The following YBX3 variants were observed in gnomAD, a reference collection of about 807,000 sequenced individuals.
The protein encoded by YBX3 is Y-box binding protein 3, also known as Y-box-binding protein 3.
In YBX3, 29 loss-of-function variants were observed where a neutral mutation model predicts 42.4. The observed-to-expected ratio is 0.68, with a 90% CI of 0.51 to 0.93. The LOEUF (loss-of-function observed/expected upper bound fraction) is 0.93. Ranked by LOEUF, YBX3 falls within the 40% of genes least tolerant of loss-of-function variation. The probability of loss-of-function intolerance (pLI) is 0.00; values close to 1 mark genes in which losing one functional copy is unlikely to be tolerated. For missense variants in YBX3, 517 were observed against 527.5 expected (o/e 0.98, Z 0.19); for synonymous variants, 195 against 189.8 (o/e 1.03, Z -0.22).
At chr12:10,709,870 T>C (rs763659772) in intron 6 of YBX3, 38 bp downstream of exon 6, 2 of 1,609,330 alleles carry the variant, frequency 1.2e-6, no homozygotes, top group South Asian at 2.2e-5. Flanking sequence ...GACGGAAGGG[T>C]GAGGATTGCT....
At chr12:10,705,626 C>T (rs900168693) in intron 6 of YBX3, among the ~76,000 whole-genome samples, 20 of 152,256 alleles carry the variant, frequency 1.3e-4, no homozygotes, top group African/African-American at 4.8e-4. Context: ...GTATCTGCCA[C>T]CAGAGTCCTC....
intron 6 of YBX3, among the ~76,000 whole-genome samples, chr12:10,705,472 C>T (rs1225043090): frequency 6.6e-6 from 1 of 152,198 alleles, no homozygotes; most frequent in East Asian, 1.9e-4. Flanking sequence ...TTGGTGTTCA[C>T]TAATGATTAG....
chr12:10,701,485 T>TA (rs1948078320), intron 8 of YBX3, 132 bp from the exon 9 acceptor site: 1 of 658,624 alleles, frequency 1.5e-6, no homozygotes, highest in Admixed American at 2.3e-5. Flanking sequence ...TACTCTTAAG[T>TA]ATGAGTCACA....
At chr12:10,711,331 T>G (rs1026158475) in intron 5 of YBX3, 1 of 151,872 alleles carries the variant, frequency 6.6e-6, no homozygotes, top group African/African-American at 2.4e-5. Context: ...GACCCATTAC[T>G]TTTTTTTACA....
chr12:10,703,367 G>A (rs934173750), intron 7 of YBX3: 2 of 159,876 alleles, frequency 1.3e-5, no homozygotes, highest in Non-Finnish European at 2.8e-5. Flanking sequence ...CTTATGGAAG[G>A]AGTCTAGCCT....
intron 4 of YBX3, among the ~76,000 whole-genome samples, chr12:10,713,582 A>C (rs1948225559): frequency 6.6e-6 from 1 of 152,224 alleles, no homozygotes; most frequent in African/African-American, 2.4e-5. Flanking sequence ...TCGCAAAAGC[A>C]ATGTGTAACC....
chr12:10,708,592 A>T (rs1223684723), intron 6 of YBX3, among the ~76,000 whole-genome samples: 1 of 152,222 alleles, frequency 6.6e-6, no homozygotes, highest in Non-Finnish European at 1.5e-5. Context: ...GGTTTAAAGG[A>T]TCAAGACAAC....
In YBX3 at chr12:10,702,001, G is replaced by A. The variant is rs374413243; in HGVS notation, c.1012C>T (p.Arg338Cys). The change falls in exon 8 of 10, where the codon CGC (arginine) becomes TGC (cysteine). Residue 338 changes from arginine (R) to cysteine (C), a missense_variant. Arg to Cys is a radical substitution (Grantham distance 180). Around this residue, in one of 3 missense-constraint regions of YBX3, gnomAD observed 420 missense variants for 408.5 expected, o/e 1.03. Coordinates refer to ENST00000228251, the MANE Select transcript of YBX3 (RefSeq NM_003651.5). ...GAAGGAGCGTTAGGAGGACGCGGGC[G>A]ACGCCGGTAATTGTAGGGACGCCGG... is the stretch of plus-strand genomic sequence containing the variant. ...GYRRPYNYRR[R>C]PRPPNAPSQD... 39 of 1,613,962 alleles carry A rather than the reference G, an allele frequency of 2.4e-5. 1 individual carries two copies. Among genetic ancestry groups the A allele is most frequent in the African/African-American group, 5.3e-5 (4 of 75,046 alleles).
intron 5 of YBX3, chr12:10,710,919 A>T (rs1278889450): frequency 6.3e-6 from 1 of 159,914 alleles, no homozygotes; most frequent in Non-Finnish European, 1.4e-5. Flanking sequence ...TTCTAATATA[A>T]TATTAATATA....
chr12:10,722,947 G>C lies in YBX3; in HGVS notation c.165C>G (p.Asn55Lys), dbSNP rs1036768058. 1.2e-5 allele frequency: 16 copies of C among 1,283,456 alleles called. No individual in the cohort carries two copies. Among genetic ancestry groups the C allele is most frequent in the Non-Finnish European group, 1.6e-5 (16 of 1,020,806 alleles). The allele number at this position is 1,283,456 out of a possible 1,614,324, so 79.5% of individuals were successfully genotyped here. Reference sequence around the variant, plus strand: ...CTGCGGGGGCCGCGTCCCCACCGGGGTTTCCTGCGACGTGGGCGGCGGGCG... The same window carrying C: ...CTGCGGGGGCCGCGTCCCCACCGGGCTTTCCTGCGACGTGGGCGGCGGGCG... ...APAPAAHVAG[N>K]PGGDAAPAAT... is the part of the protein sequence containing the mutation. The change falls in exon 1 of 10, where the codon AAC (asparagine) becomes AAG (lysine). Residue 55 changes from asparagine (N) to lysine (K), a missense_variant. Around this residue, in one of 3 missense-constraint regions of YBX3, gnomAD observed 86 missense variants for 82.5 expected, o/e 1.04. Transcript: ENST00000228251.
chr12:10,723,293 C>A lies in YBX3; in HGVS notation c.-182G>T, dbSNP rs1194438609. ...GGCGGCTCGAGCTTCGTGCTGCGCG[C>A]TCTCTCTTGGGCTCCTCGCTCGATC... On this transcript the variant is annotated 5_prime_UTR_variant, in exon 1 of 10. Coordinates refer to ENST00000228251, the MANE Select transcript of YBX3 (RefSeq NM_003651.5). The A allele has an allele frequency of 6.0e-5, 62 of 1,032,374 alleles. No homozygotes were observed. Among genetic ancestry groups the A allele is most frequent in the Middle Eastern group, 3.8e-4 (1 of 2,606 alleles). 64.0% of individuals were successfully genotyped at this position (1,032,374 alleles called of 1,614,324 possible). A position where few individuals can be genotyped will look rare whatever the true frequency, so the allele number is the denominator to read the frequency against.
At chr12:10,707,787 A>C (rs1311802916) in intron 6 of YBX3, among the ~76,000 whole-genome samples, 1 of 152,094 alleles carries the variant, frequency 6.6e-6, no homozygotes, top group African/African-American at 2.4e-5. Flanking sequence ...CATCATCCCC[A>C]TCACATGAGC....
chr12:10,706,782 C>T (rs1167827469), intron 6 of YBX3, among the ~76,000 whole-genome samples: 1 of 151,926 alleles, frequency 6.6e-6, no homozygotes, highest in Non-Finnish European at 1.5e-5. Context: ...CTTTGGGAGG[C>T]CAAGGCAGGT....
In YBX3 at chr12:10,702,111, G is replaced by A. The variant is rs199667121; in HGVS notation, c.902C>T (p.Pro301Leu). 77 of 1,614,086 alleles carry A rather than the reference G, an allele frequency of 4.8e-5. No individual in the cohort carries two copies. The Admixed American group carries it at 8.7e-4, about 18-fold the overall frequency. ...TTCAGCCTCTCCAACTGCTGGGGCA[G>A]GTCGTGGGCGAGGAGGTCCCCTGCT... ...YRSRGPPRPR[P>L]APAVGEAEDK... The change falls in exon 8 of 10, where the codon CCT becomes CTT. Residue 301 changes from proline (P) to leucine (L), a missense_variant. Physicochemically the swap from Pro to Leu is moderately conservative, Grantham distance 98. This residue lies in a region of YBX3 where 420 missense variants were observed against 408.5 expected (regional missense o/e 1.03). Transcript: ENST00000228251.
intron 1 of YBX3, among the ~76,000 whole-genome samples, chr12:10,722,568 G>A (rs1948340082): frequency 6.6e-6 from 1 of 152,260 alleles, no homozygotes; most frequent in South Asian, 2.1e-4. Flanking sequence ...CCGTCTGGGA[G>A]ACAGAAGTTA....
chr12:10,719,198 C>A, intron 1 of YBX3, 55 bp from the exon 2 acceptor site: 1 of 1,408,838 alleles, frequency 7.1e-7, no homozygotes, highest in South Asian at 1.2e-5. Context: ...AGATATAGCT[C>A]ATATCACTAA....
intron 3 of YBX3, 83 bp from the exon 4 acceptor site, chr12:10,715,866 A>T: frequency 4.5e-6 from 5 of 1,102,090 alleles, no homozygotes; most frequent in African/African-American, 1.6e-5. Flanking sequence ...CACCAGAGTG[A>T]ACTTGAAGAA....
At chr12:10,713,446 CT>C in intron 4 of YBX3, 113 bp from the exon 5 acceptor site, 1 of 1,301,876 alleles carries the variant, frequency 7.7e-7, no homozygotes, top group South Asian at 1.5e-5. Flanking sequence ...AGAATTCCCA[CT>C]GTGATTTTAA....
intron 1 of YBX3, among the ~76,000 whole-genome samples, chr12:10,721,288 T>C (rs1948321832): frequency 2.0e-5 from 3 of 152,232 alleles, no homozygotes; most frequent in African/African-American, 4.8e-5. Flanking sequence ...AGGCAGTTGC[T>C]TGAGGAAATT....
Sources: allele counts gnomAD v4.1 joint callset (sites outside exome capture counted in the v4.1 genomes callset), GRCh38; gene constraint gnomAD v4.1.1; regional missense constraint gnomAD v4.1.1; transcripts MANE v1.5; gene names NCBI Gene and HGNC (gene_info 2026-07-23, HGNC 2026-07-21).